The following CRIPT variants were observed in gnomAD, a reference collection of about 807,000 sequenced individuals.
The protein encoded by CRIPT is CXXC repeat containing interactor of PDZ3 domain.
A neutral mutation model predicts 16.6 loss-of-function variants in CRIPT; 20 were observed. The ratio of observed to expected loss-of-function variants is 1.20; its 90% CI spans 0.85 to 1.75. CRIPT has a LOEUF of 1.75. Ranked by LOEUF, CRIPT falls within the 40% of genes most tolerant of loss-of-function variation. The pLI is 0.00. For synonymous variants in CRIPT, 42 were observed against 37.0 expected (o/e 1.14, Z -0.49); for missense variants, 133 against 115.3 (o/e 1.15, Z -0.70).
At position 46,626,913 on chromosome 2, in the gene CRIPT, A is replaced by C. The variant is rs1670951914; in HGVS notation, c.*2686A>C. On this transcript the variant is annotated 3_prime_UTR_variant, in exon 5 of 5. Transcript: ENST00000238892. ...AATGGCACCATCTCAGCTCACTGCA[A>C]CCTCCACCTCCCGGGTTCAAGCGAT... 6.7e-6 allele frequency among the ~76,000 whole-genome samples: 1 copy of C among 150,274 alleles called. No homozygotes were observed. The highest frequency in any genetic ancestry group is 1.5e-5 in the Non-Finnish European group (1 of 67,508).
At position 46,624,764 on chromosome 2, in the gene CRIPT, A is replaced by AT. The variant is rs1382938545; in HGVS notation, c.*543dup. ...ATCAAAGACCAGTTGGATTTATGAT[A>AT]TTTTTTATTTGTTCTTGCAGCCAAA... On this transcript the variant is annotated 3_prime_UTR_variant, in exon 5 of 5. Coordinates refer to ENST00000238892, the MANE Select transcript of CRIPT (RefSeq NM_014171.6). 1.3e-4 allele frequency: 20 copies of AT among 152,134 alleles called. No homozygotes were observed. The highest frequency in any genetic ancestry group is 3.9e-4 in the African/African-American group (16 of 41,446). 9.4% of individuals were successfully genotyped at this position (152,134 alleles called of 1,614,324 possible). A position where few individuals can be genotyped will look rare whatever the true frequency, so the allele number is the denominator to read the frequency against.
At position 46,617,311 on chromosome 2, in the gene CRIPT, G is replaced by C; in HGVS notation, c.16+13G>C. 1.3e-6 allele frequency: 2 copies of C among 1,554,188 alleles called. No homozygotes were observed. Among genetic ancestry groups the C allele is most frequent in the South Asian group, 2.4e-5 (2 of 84,334 alleles). On this transcript the variant is annotated intron_variant, in intron 1 of 4. Coordinates refer to ENST00000238892, the MANE Select transcript of CRIPT (RefSeq NM_014171.6). Reference sequence around the variant, plus strand: ...GTGTGCGAAAAATGTGAGTTAAGGGGCCGCTTCTGCGGGAGGAGGAGGCTG... The same window carrying C: ...GTGTGCGAAAAATGTGAGTTAAGGGCCCGCTTCTGCGGGAGGAGGAGGCTG...
intron 2 of CRIPT, among the ~76,000 whole-genome samples, chr2:46,619,227 C>G (rs1307051489): frequency 6.6e-6 from 1 of 151,982 alleles, no homozygotes; most frequent in Non-Finnish European, 1.5e-5. Context: ...CCTTCATTAT[C>G]ATTAATTACT....
chr2:46,623,843 T>G lies in CRIPT; in HGVS notation c.217T>G (p.Cys73Gly). 1 of 1,610,054 alleles carries G rather than the reference T, an allele frequency of 6.2e-7. No individual in the cohort carries two copies. The highest frequency in any genetic ancestry group is 1.3e-5 in the African/African-American group (1 of 74,908). ...SSVHQPGSHY[C>G]QGCAYKKGIC... ...TGTGCACCAACCAGGTTCTCATTAC[T>G]GCCAGGGCTGTGCCTACAAAAAAGG... Residue 73 changes from cysteine (C) to glycine (G), a missense_variant, in exon 4 of 5, where the codon TGC (cysteine) becomes GGC (glycine). Cys to Gly is a radical substitution (Grantham distance 159). Coordinates refer to ENST00000238892, the MANE Select transcript of CRIPT (RefSeq NM_014171.6).
chr2:46,620,036 G>A (rs1312722316), intron 3 of CRIPT, among the ~76,000 whole-genome samples: 1 of 152,144 alleles, frequency 6.6e-6, no homozygotes, highest in Admixed American at 6.5e-5. Flanking sequence ...CTAGCCTTAT[G>A]ACCTTAAGCA....
At position 46,625,046 on chromosome 2, in the gene CRIPT, G is replaced by T. The variant is rs1380079589; in HGVS notation, c.*819G>T. 1 of 131,326 alleles carries T rather than the reference G, an allele frequency of 7.6e-6. No individual in the cohort carries two copies. The highest frequency in any genetic ancestry group is 3.0e-5 in the African/African-American group (1 of 33,702). The allele number at this position is 131,326 out of a possible 1,614,324, so 8.1% of individuals were successfully genotyped here. On this transcript the variant is annotated 3_prime_UTR_variant, in exon 5 of 5. Coordinates refer to ENST00000238892, the MANE Select transcript of CRIPT (RefSeq NM_014171.6). The stretch of plus-strand genomic sequence containing the variant: ...AAGAAATAAATAGAGCAAACATCTT[G>T]ACTCTCCCTTTTTAAAATTTGTTTG...
intron 1 of CRIPT, 62 bp from the exon 2 acceptor site, chr2:46,618,711 C>T: frequency 9.3e-7 from 1 of 1,070,316 alleles, no homozygotes; most frequent in East Asian, 2.5e-5. Flanking sequence ...ACCTTAGGCA[C>T]AATGTAATGC....
At chr2:46,621,580 T>C (rs1351886579) in intron 3 of CRIPT, among the ~76,000 whole-genome samples, 2 of 152,252 alleles carry the variant, frequency 1.3e-5, no homozygotes, top group Non-Finnish European at 2.9e-5. Context: ...ACTTACTGTT[T>C]ACCTCTTCTC....
chr2:46,618,949 T>G lies in CRIPT; in HGVS notation c.82+111T>G, dbSNP rs1050581025. On this transcript the variant is annotated intron_variant, in intron 2 of 4. Transcript: ENST00000238892. ...TGTTATGTGTTCAAAGTATTTTATC[T>G]ATTAAACATTAAAGAATACTGGGTC... 1.5e-5 allele frequency: 10 copies of G among 648,004 alleles called. No homozygotes were observed. The African/African-American group carries it at 1.9e-4, about 12-fold the overall frequency. 40.1% of individuals were successfully genotyped at this position (648,004 alleles called of 1,614,324 possible). A position where few individuals can be genotyped will look rare whatever the true frequency, so the allele number is the denominator to read the frequency against.
chr2:46,628,971 G>C lies in CRIPT; in HGVS notation c.*4744G>C, dbSNP rs1372900274. Among the ~76,000 whole-genome samples the C allele has an allele frequency of 6.6e-6, 1 of 152,132 alleles. No homozygotes were observed. The highest frequency in any genetic ancestry group is 1.5e-5 in the Non-Finnish European group (1 of 68,012). ...CAAAATAAATGTAAAAGTGATGAAA[G>C]AATCTGTTAAGATATCAGATTGTAA... is the stretch of plus-strand genomic sequence containing the variant. On this transcript the variant is annotated 3_prime_UTR_variant, in exon 5 of 5. Coordinates refer to ENST00000238892, the MANE Select transcript of CRIPT (RefSeq NM_014171.6).
At chr2:46,619,848 TTCC>T (rs1670760578) in intron 3 of CRIPT, among the ~76,000 whole-genome samples, 167 bp downstream of exon 3, 3 of 152,228 alleles carry the variant, frequency 2.0e-5, no homozygotes, top group African/African-American at 7.2e-5. Context: ...TTTTACCTTA[TTCC>T]TCCTCACTGT....
chr2:46,623,517 T>G (rs1670860639), intron 3 of CRIPT, among the ~76,000 whole-genome samples: 1 of 152,228 alleles, frequency 6.6e-6, no homozygotes, highest in Non-Finnish European at 1.5e-5. Context: ...ACGACTGATA[T>G]GAACACGTCA....
chr2:46,629,532 G>GT lies in CRIPT; in HGVS notation c.*5311dup, dbSNP rs1671021354. 6.6e-6 allele frequency among the ~76,000 whole-genome samples: 1 copy of GT among 151,980 alleles called. No homozygotes were observed. The highest frequency in any genetic ancestry group is 1.5e-5 in the Non-Finnish European group (1 of 67,986). On this transcript the variant is annotated 3_prime_UTR_variant, in exon 5 of 5. Transcript: ENST00000238892. ...TGGAGCAGTTCCTCAGCTTTTCTTT[G>GT]TTTTTTATAATAGTAATATATTTGA...
At chr2:46,618,946 A>C in intron 2 of CRIPT, 108 bp downstream of exon 2, 1 of 688,408 alleles carries the variant, frequency 1.5e-6, no homozygotes, top group South Asian at 2.1e-5. Flanking sequence ...AAAGTATTTT[A>C]TCTATTAAAC....
chr2:46,622,877 T>C (rs1370555487), intron 3 of CRIPT, among the ~76,000 whole-genome samples: 1 of 151,710 alleles, frequency 6.6e-6, no homozygotes, highest in Non-Finnish European at 1.5e-5. Context: ...GCTGTTGTAC[T>C]ATACCCAAGA....
In CRIPT at chr2:46,625,701, C is replaced by A. The variant is rs1670921904; in HGVS notation, c.*1474C>A. 6.6e-6 allele frequency: 1 copy of A among 151,906 alleles called. No individual in the cohort carries two copies. Among genetic ancestry groups the A allele is most frequent in the Non-Finnish European group, 1.5e-5 (1 of 67,996 alleles). 9.4% of individuals were successfully genotyped at this position (151,906 alleles called of 1,614,324 possible). On this transcript the variant is annotated 3_prime_UTR_variant, in exon 5 of 5. Transcript: ENST00000238892. ...TATTTATTCATATCCAGAAAAATTA[C>A]AAGGATAATACAGAATATAATAAAT...
At chr2:46,619,778 A>G in intron 3 of CRIPT, 97 bp downstream of exon 3, 2 of 941,322 alleles carry the variant, frequency 2.1e-6, no homozygotes, top group Non-Finnish European at 1.7e-6. Context: ...CATTTGCAAT[A>G]AAACAGAGTT....
At position 46,625,773 on chromosome 2, in the gene CRIPT, G is replaced by A. The variant is rs1035323535; in HGVS notation, c.*1546G>A. The A allele has an allele frequency of 8.6e-5, 13 of 151,892 alleles. No homozygotes were observed. Among genetic ancestry groups the A allele is most frequent in the Admixed American group, 8.5e-4 (13 of 15,234 alleles). The allele number at this position is 151,892 out of a possible 1,614,324, so 9.4% of individuals were successfully genotyped here. A position where few individuals can be genotyped will look rare whatever the true frequency, so the allele number is the denominator to read the frequency against. On this transcript the variant is annotated 3_prime_UTR_variant, in exon 5 of 5. Transcript: ENST00000238892. ...TATCCTCTCATGCTTAATCAGTTTG[G>A]GGTTTTTAATTATAACACAGGAAAC...
Position 46,625,681 on chromosome 2 carries a change from A to G in CRIPT, c.*1454A>G, listed in dbSNP as rs190458209. ...GTTTTTCTGAGATACATTGTTATTT[A>G]TTCATATCCAGAAAAATTACAAGGA... On this transcript the variant is annotated 3_prime_UTR_variant, in exon 5 of 5. Coordinates refer to ENST00000238892, the MANE Select transcript of CRIPT (RefSeq NM_014171.6). The G allele has an allele frequency of 2.0e-5, 3 of 152,258 alleles. No homozygotes were observed. Among genetic ancestry groups the G allele is most frequent in the Non-Finnish European group, 1.5e-5 (1 of 68,026 alleles). 9.4% of individuals were successfully genotyped at this position (152,258 alleles called of 1,614,324 possible).
Sources: allele counts gnomAD v4.1 joint callset (sites outside exome capture counted in the v4.1 genomes callset), GRCh38; gene constraint gnomAD v4.1.1; transcripts MANE v1.5; gene names NCBI Gene and HGNC (gene_info 2026-07-23, HGNC 2026-07-21).